The following TNFSF4 variants were observed in gnomAD, a reference collection of about 807,000 sequenced individuals.
TNFSF4 encodes the protein TNF superfamily member 4.
TNFSF4 carries 4 observed loss-of-function variants against 7.3 expected under a neutral mutation model. The ratio of observed to expected loss-of-function variants is 0.55; its 90% CI spans 0.27 to 1.25. The LOEUF is 1.25. TNFSF4 is among the 50% of genes most tolerant of loss of function. The pLI, the probability that TNFSF4 is intolerant of heterozygous loss-of-function variation, is 0.12. For synonymous variants in TNFSF4, 76 were observed against 83.7 expected (o/e 0.91, Z 0.50); for missense variants, 181 against 208.8 (o/e 0.87, Z 0.82).
the TNFSF4 span, among the ~76,000 whole-genome samples, chr1:173,283,697 A>G: frequency 2.0e-5 from 3 of 152,186 alleles, no homozygotes; most frequent in African/African-American, 7.2e-5. Flanking sequence ...AGTCAGTAGG[A>G]AAATGTTCCC....
At chr1:173,274,124 T>TACACACACACACACAC in the TNFSF4 span, among the ~76,000 whole-genome samples, 3,807 of 145,432 alleles carry the variant, frequency 0.026, 53 homozygotes, top group Non-Finnish European at 0.027. Context: ...TCCATGTTCA[T>TACACACACACACACAC]ACACACACAC....
chr1:173,205,930 G>A (rs944656835), intron 1 of TNFSF4, among the ~76,000 whole-genome samples: 5 of 152,228 alleles, frequency 3.3e-5, no homozygotes, highest in Non-Finnish European at 7.3e-5. Context: ...CACAAGCACT[G>A]TCTGTGGTAC....
At chr1:173,310,989 C>A in the TNFSF4 span, among the ~76,000 whole-genome samples, 2 of 151,864 alleles carry the variant, frequency 1.3e-5, no homozygotes, top group South Asian at 4.2e-4. Flanking sequence ...CTTTTCACAG[C>A]CTCACTTTTT....
the TNFSF4 span, among the ~76,000 whole-genome samples, chr1:173,177,010 C>G: frequency 6.6e-6 from 1 of 151,630 alleles, no homozygotes; most frequent in Non-Finnish European, 1.5e-5. Context: ...TAAAAAACTA[C>G]CTATCGAGTA....
the TNFSF4 span, among the ~76,000 whole-genome samples, chr1:173,257,940 T>C: frequency 6.6e-6 from 1 of 152,222 alleles, no homozygotes; most frequent in Admixed American, 6.5e-5. Context: ...ATCTCATGGT[T>C]GATCTTTCAG....
chr1:173,366,393 T>C, the TNFSF4 span, among the ~76,000 whole-genome samples: 5 of 152,272 alleles, frequency 3.3e-5, no homozygotes, highest in Middle Eastern at 3.4e-3. Flanking sequence ...TTCTCACTTA[T>C]CTGTGGGAGC....
downstream of TNFSF4, among the ~76,000 whole-genome samples, chr1:173,179,823 A>G (rs1428183468): frequency 6.6e-6 from 1 of 152,228 alleles, no homozygotes; most frequent in African/African-American, 2.4e-5. Flanking sequence ...ATTCATACCA[A>G]AATAAGAAAG....
the TNFSF4 span, among the ~76,000 whole-genome samples, chr1:173,423,795 T>C: frequency 2.0e-5 from 3 of 152,272 alleles, no homozygotes; most frequent in Admixed American, 1.3e-4. Flanking sequence ...AATTAGAGAG[T>C]GTCTTCATCT....
At chr1:173,362,613 T>C in the TNFSF4 span, 1 of 496,548 alleles carries the variant, frequency 2.0e-6, no homozygotes, top group Non-Finnish European at 4.0e-6. Flanking sequence ...GGGTAAGTTT[T>C]GCATGCTGCT....
At chr1:173,313,276 G>A in the TNFSF4 span, among the ~76,000 whole-genome samples, 1,292 of 151,860 alleles carry the variant, frequency 8.5e-3, 23 homozygotes, top group African/African-American at 0.03. Context: ...TGTTTTATAT[G>A]GATATATTAG....
the TNFSF4 span, among the ~76,000 whole-genome samples, chr1:173,273,222 A>G: frequency 2.0e-5 from 3 of 152,150 alleles, no homozygotes; most frequent in African/African-American, 7.2e-5. Context: ...CTATAAATTT[A>G]TCACAAAGGA....
the TNFSF4 span, among the ~76,000 whole-genome samples, chr1:173,282,802 T>G: frequency 6.6e-6 from 1 of 152,202 alleles, no homozygotes; most frequent in African/African-American, 2.4e-5. Flanking sequence ...AGCTTAAACA[T>G]GTGATGACTC....
chr1:173,419,063 G>GGC, the TNFSF4 span, among the ~76,000 whole-genome samples: 3 of 152,210 alleles, frequency 2.0e-5, no homozygotes, highest in African/African-American at 4.8e-5. Flanking sequence ...AACCTGGCCG[G>GGC]GTGCTGTGGC....
the TNFSF4 span, among the ~76,000 whole-genome samples, chr1:173,242,210 G>A: frequency 6.6e-6 from 1 of 152,128 alleles, no homozygotes; most frequent in Non-Finnish European, 1.5e-5. Context: ...GATAAAGTTA[G>A]AGTGGCCAAA....
At chr1:173,357,233 T>C in the TNFSF4 span, among the ~76,000 whole-genome samples, 1 of 152,194 alleles carries the variant, frequency 6.6e-6, no homozygotes, top group Non-Finnish European at 1.5e-5. Context: ...ATGATCATTT[T>C]TGGGGACAGA....
chr1:173,239,362 T>C, the TNFSF4 span, among the ~76,000 whole-genome samples: 1 of 152,202 alleles, frequency 6.6e-6, no homozygotes, highest in African/African-American at 2.4e-5. Context: ...GGTTTTGCTC[T>C]CTCAGTCTTT....
chr1:173,175,813 C>T, the TNFSF4 span, among the ~76,000 whole-genome samples: 5 of 152,128 alleles, frequency 3.3e-5, no homozygotes, highest in African/African-American at 1.2e-4. Context: ...CTATTTTTCC[C>T]CAGGCTCCTT....
the TNFSF4 span, among the ~76,000 whole-genome samples, chr1:173,397,972 C>T: frequency 9.9e-5 from 15 of 152,194 alleles, no homozygotes; most frequent in African/African-American, 3.1e-4. Context: ...ATTATAGTTA[C>T]TATAACAGAT....
At chr1:173,209,531 G>T (rs1328165507), upstream of TNFSF4, among the ~76,000 whole-genome samples, 2 of 152,026 alleles carry the variant, frequency 1.3e-5, no homozygotes, top group South Asian at 2.1e-4. Flanking sequence ...TAGAGACAGG[G>T]TCTCACTCTG....
Sources: gnomAD v4.1 joint callset for allele counts (sites outside exome capture counted in the v4.1 genomes callset) on GRCh38, gnomAD v4.1.1 for gene constraint, MANE v1.5 for transcripts, NCBI Gene and HGNC (gene_info 2026-07-23, HGNC 2026-07-21) for gene names.